Variants in PCDHA2 observed in about 807,000 individuals in gnomAD.
PCDHA2 encodes protocadherin alpha 2.
Under a neutral mutation model 66.0 loss-of-function variants are expected in PCDHA2, and 58 were observed. That is an observed-to-expected ratio of 0.88 (90% confidence interval 0.71 to 1.09). PCDHA2 has a LOEUF of 1.09. Among genes scored for constraint, PCDHA2 ranks in the 50% least tolerant of loss-of-function variants. The pLI is 0.00. For synonymous variants in PCDHA2, 634 were observed against 554.0 expected, an observed-to-expected ratio of 1.14 and a Z score of -2.03; for missense variants, 1,267 against 1,242.3, an observed-to-expected ratio of 1.02 and a Z score of -0.30.
chr5:140,829,595 C>G (rs147522996), intron 1 of PCDHA2: 3 of 1,611,886 alleles, frequency 1.9e-6, no homozygotes, highest in Non-Finnish European at 2.5e-6. Flanking sequence ...GGTGGGCGAG[C>G]GCGCGTTGTC....
intron 1 of PCDHA2, chr5:140,815,097 C>T (rs1765652812): frequency 6.6e-6 from 1 of 152,072 alleles, no homozygotes; most frequent in African/African-American, 2.4e-5. Context: ...AAGCAAATCT[C>T]TTGTAGTTAG....
At chr5:140,980,436 C>T (rs1364418994) in intron 2 of PCDHA2, among the ~76,000 whole-genome samples, 1 of 152,134 alleles carries the variant, frequency 6.6e-6, no homozygotes, top group Admixed American at 6.5e-5. Context: ...TCGAGACCAT[C>T]CTGGACAACA....
At chr5:140,938,251 A>C (rs1015321564) in intron 1 of PCDHA2, among the ~76,000 whole-genome samples, 4 of 152,176 alleles carry the variant, frequency 2.6e-5, no homozygotes, top group Non-Finnish European at 5.9e-5. Context: ...TGGTCTTTTA[A>C]AAACTTTCTA....
intron 1 of PCDHA2, chr5:140,821,844 GAA>G: frequency 3.7e-6 from 6 of 1,614,176 alleles, no homozygotes; most frequent in Non-Finnish European, 5.1e-6. Context: ...TTGCCTACTG[GAA>G]GGCAGGGAGC....
intron 1 of PCDHA2, among the ~76,000 whole-genome samples, chr5:140,944,351 C>A (rs530648518): frequency 6.6e-6 from 1 of 152,198 alleles, no homozygotes; most frequent in South Asian, 2.1e-4. Context: ...CCACACCTGG[C>A]TAATTTTTAA....
chr5:140,892,417 G>A lies in PCDHA2; in HGVS notation c.2389-86532G>A, dbSNP rs78605430. 5.2e-3 allele frequency among the ~76,000 whole-genome samples: 785 copies of A among 152,216 alleles called. 8 individuals are homozygous for A. Among genetic ancestry groups the A allele is most frequent in the Non-Finnish European group, 8.7e-3 (594 of 68,002 alleles). ...TCTATTTCAAGCTTCAGGTATTCTA[G>A]ATAAAACCTCATTATCTAAAATTTA... On this transcript the variant is annotated intron_variant, in intron 1 of 3. Transcript: ENST00000526136.
At chr5:140,875,588 C>T in intron 1 of PCDHA2, 1 of 1,613,954 alleles carries the variant, frequency 6.2e-7, no homozygotes, top group Non-Finnish European at 8.5e-7. Flanking sequence ...TACGAGGAGG[C>T]CAAACACGGC....
rs901353156 is a variant in PCDHA2 at position 140,796,293 on chromosome 5, C to G, written c.1329C>G (p.Ile443Met). 6.2e-7 allele frequency: 1 copy of G among 1,614,130 alleles called. No individual in the cohort carries two copies. ...TGTGGGCCACCACCAGCGTGTCCAT[C>G]GAGGTGGCCGACGTGAACGACAACG... ...PSLWATTSVSIEVADVNDNAP... is the reference protein window; with the variant it reads ...PSLWATTSVSMEVADVNDNAP... Residue 443 changes from isoleucine to methionine, a missense_variant, in exon 1 of 4, where the codon ATC becomes ATG. Transcript: ENST00000526136.
chr5:140,997,132 C>A (rs1189394609), intron 3 of PCDHA2, among the ~76,000 whole-genome samples: 1 of 152,076 alleles, frequency 6.6e-6, no homozygotes, highest in Non-Finnish European at 1.5e-5. Flanking sequence ...CACAATGCCC[C>A]CACACCCCCG....
intron 1 of PCDHA2, chr5:140,822,865 C>T (rs2150119929): frequency 1.2e-6 from 2 of 1,614,228 alleles, no homozygotes; most frequent in Admixed American, 1.7e-5. Flanking sequence ...GGACGCTCCA[C>T]TCAGCACGGT....
At chr5:140,830,378 G>A in intron 1 of PCDHA2, 1 of 1,614,122 alleles carries the variant, frequency 6.2e-7, no homozygotes, top group Non-Finnish European at 8.5e-7. Context: ...CTCCGGGGAG[G>A]GCCCACCCAA....
intron 1 of PCDHA2, chr5:140,822,071 C>A: frequency 1.2e-6 from 2 of 1,614,192 alleles, no homozygotes; most frequent in Non-Finnish European, 1.7e-6. Flanking sequence ...CGGCGGAGGG[C>A]GGAGTGCAGC....
At chr5:140,927,808 T>C (rs782535814) in intron 1 of PCDHA2, 116 of 1,614,090 alleles carry the variant, frequency 7.2e-5, no homozygotes, top group Non-Finnish European at 9.6e-5. Context: ...TGAAACGCTC[T>C]TGGAGGCATA....
rs2150111349 is a variant in PCDHA2, at chr5:140,821,865, C to T, written c.2388+24513C>T. On this transcript the variant is annotated intron_variant, in intron 1 of 3. Coordinates refer to ENST00000526136, the MANE Select transcript of PCDHA2 (RefSeq NM_018905.3). ...ACTGGAAGGCAGGGAGCGGCCAGCT[C>T]CACTACTCGATCCCGGAGGAAGCCA... 5.6e-6 allele frequency: 9 copies of T among 1,614,214 alleles called. No homozygotes were observed. The South Asian group carries it at 8.8e-5, about 16-fold the overall frequency.
chr5:140,923,551 T>C (rs1398661049), intron 1 of PCDHA2, among the ~76,000 whole-genome samples: 1 of 152,146 alleles, frequency 6.6e-6, no homozygotes, highest in Non-Finnish European at 1.5e-5. Flanking sequence ...AAATGAAATA[T>C]CAGCAATGAA....
intron 1 of PCDHA2, chr5:140,823,448 A>G (rs1446735844): frequency 6.2e-7 from 1 of 1,613,308 alleles, no homozygotes; most frequent in African/African-American, 1.3e-5. Context: ...CTGGACGAGA[A>G]CGACAACGCG....
intron 1 of PCDHA2, chr5:140,802,627 T>C: frequency 3.1e-6 from 5 of 1,613,912 alleles, no homozygotes; most frequent in South Asian, 1.1e-5. Flanking sequence ...ATCTTCACGG[T>C]GTCTGCGCGG....
At chr5:140,958,547 A>C (rs528303266) in intron 1 of PCDHA2, among the ~76,000 whole-genome samples, 3 of 152,308 alleles carry the variant, frequency 2.0e-5, no homozygotes, top group East Asian at 3.9e-4. Flanking sequence ...TTTATGAACC[A>C]ATAAATGTTT....
intron 1 of PCDHA2, chr5:140,841,734 A>G: frequency 2.5e-6 from 4 of 1,613,870 alleles, no homozygotes; most frequent in Non-Finnish European, 3.4e-6. Context: ...GTAAAAGACC[A>G]AAAGCTGTTT....
Sources: gnomAD v4.1 joint callset for allele counts (sites outside exome capture counted in the v4.1 genomes callset) on GRCh38, gnomAD v4.1.1 for gene constraint, MANE v1.5 for transcripts, NCBI Gene and HGNC (gene_info 2026-07-23, HGNC 2026-07-21) for gene names.